LHFPL6: variants seen among roughly 807,000 people sequenced by gnomAD.
LHFPL6 encodes LHFPL tetraspan subfamily member 6.
Under a neutral mutation model 20.6 loss-of-function variants are expected in LHFPL6, and 9 were observed. The observed-to-expected ratio is 0.44, with a 90% CI of 0.26 to 0.76. LHFPL6 has a LOEUF of 0.76. Among genes scored for constraint, LHFPL6 ranks in the 30% least tolerant of loss-of-function variants. The pLI is 0.20. For synonymous variants in LHFPL6, 105 were observed against 98.7 expected (o/e 1.06, Z -0.38); for missense variants, 218 against 253.5 (o/e 0.86, Z 0.95).
intron 2 of LHFPL6, among the ~76,000 whole-genome samples, chr13:39,409,468 C>CA (rs1054308938): frequency 6.6e-6 from 1 of 151,658 alleles, no homozygotes; most frequent in African/African-American, 2.4e-5. Context: ...ACAAAAAAAA[C>CA]AAAAAAACAA....
intron 2 of LHFPL6, among the ~76,000 whole-genome samples, chr13:39,522,869 G>A (rs1870155406): frequency 6.6e-6 from 1 of 152,224 alleles, no homozygotes; most frequent in Admixed American, 6.5e-5. Flanking sequence ...TATGGACAGT[G>A]TAGAAATATG....
At chr13:39,512,625 A>AG (rs1337119574) in intron 2 of LHFPL6, among the ~76,000 whole-genome samples, 6 of 150,532 alleles carry the variant, frequency 4.0e-5, no homozygotes, top group African/African-American at 1.2e-4. Flanking sequence ...AGAAAAGAAA[A>AG]AGAAATCAGA....
In LHFPL6 at chr13:39,488,107, G is replaced by A. The variant is rs549326639; in HGVS notation, c.386-109581C>T. Among the ~76,000 whole-genome samples the A allele has an allele frequency of 3.1e-4, 47 of 152,212 alleles. 1 individual carries two copies. The South Asian group carries it at 4.8e-3, about 15-fold the overall frequency. ...TCATAAGGGCCCCACCTTCATGAAC[G>A]GGATTAATGCCCTTATAAAAGAGGC... is the stretch of plus-strand genomic sequence containing the variant. On this transcript the variant is annotated intron_variant, in intron 2 of 3. Transcript: ENST00000379589.
At chr13:39,475,343 TA>T (rs1321243575) in intron 2 of LHFPL6, among the ~76,000 whole-genome samples, 1 of 151,954 alleles carries the variant, frequency 6.6e-6, no homozygotes, top group African/African-American at 2.4e-5. Flanking sequence ...AAATGAGAAA[TA>T]AGATCAGATG....
At chr13:39,424,899 G>C (rs540262056) in intron 2 of LHFPL6, among the ~76,000 whole-genome samples, 2 of 152,224 alleles carry the variant, frequency 1.3e-5, no homozygotes, top group East Asian at 3.9e-4. Flanking sequence ...AATTGTTTTA[G>C]ACATTTTCAT....
chr13:39,479,953 A>C (rs1323212156), intron 2 of LHFPL6, among the ~76,000 whole-genome samples: 4 of 152,224 alleles, frequency 2.6e-5, no homozygotes, highest in African/African-American at 9.6e-5. Flanking sequence ...GCATGTTTAC[A>C]TACTATTTCA....
At chr13:39,575,406 T>C (rs954149139) in intron 2 of LHFPL6, among the ~76,000 whole-genome samples, 1 of 152,230 alleles carries the variant, frequency 6.6e-6, no homozygotes, top group African/African-American at 2.4e-5. Context: ...TCTTTATCTA[T>C]ATTAAAATTA....
chr13:39,405,890 T>C (rs1379033744), intron 2 of LHFPL6, among the ~76,000 whole-genome samples: 8 of 152,180 alleles, frequency 5.3e-5, no homozygotes, highest in African/African-American at 1.7e-4. Flanking sequence ...ACAGCTCTTT[T>C]TCCAAATGAA....
chr13:39,525,178 T>C (rs961688647), intron 2 of LHFPL6, among the ~76,000 whole-genome samples: 2 of 152,172 alleles, frequency 1.3e-5, no homozygotes, highest in African/African-American at 4.8e-5. Flanking sequence ...TGCCAATTGC[T>C]TTCTTTCCAA....
chr13:39,423,561 T>C (rs1871552058), intron 2 of LHFPL6, among the ~76,000 whole-genome samples: 1 of 152,056 alleles, frequency 6.6e-6, no homozygotes, highest in South Asian at 2.1e-4. Context: ...GTAGCTGGGA[T>C]TACAGGCACC....
intron 2 of LHFPL6, among the ~76,000 whole-genome samples, chr13:39,419,191 A>G (rs1490396584): frequency 1.3e-5 from 2 of 152,146 alleles, no homozygotes; most frequent in East Asian, 1.9e-4. Flanking sequence ...CCTGACCCCA[A>G]TCTTGCTTAT....
Position 39,562,471 on chromosome 13 carries a change from T to C in LHFPL6, c.385+38361A>G, listed in dbSNP as rs550527891. On this transcript the variant is annotated intron_variant, in intron 2 of 3. Coordinates refer to ENST00000379589, the MANE Select transcript of LHFPL6 (RefSeq NM_005780.3). ...ACACATATATACATATATACACATATACACATATACATATATACACATATA... is the reference window on the plus strand; with the variant it reads ...ACACATATATACATATATACACATACACACATATACATATATACACATATA... 1.5e-3 allele frequency among the ~76,000 whole-genome samples: 162 copies of C among 109,476 alleles called. 1 individual carries two copies. Among genetic ancestry groups the C allele is most frequent in the African/African-American group, 5.2e-3 (159 of 30,532 alleles). 71.8% of individuals were successfully genotyped at this position (109,476 alleles called of 152,430 possible). A position where few individuals can be genotyped will look rare whatever the true frequency, so the allele number is the denominator to read the frequency against.
chr13:39,474,917 T>C (rs563712520), intron 2 of LHFPL6, among the ~76,000 whole-genome samples: 1 of 152,170 alleles, frequency 6.6e-6, no homozygotes, highest in Non-Finnish European at 1.5e-5. Context: ...GTGGAACTGA[T>C]TCTTCAAAGA....
At chr13:39,562,616 A>G (rs1344662826) in intron 2 of LHFPL6, among the ~76,000 whole-genome samples, 3 of 87,814 alleles carry the variant, frequency 3.4e-5, no homozygotes, top group Admixed American at 2.4e-4. Context: ...ACATATATAC[A>G]CATATATACA....
At chr13:39,405,838 T>C (rs1435327851) in intron 2 of LHFPL6, among the ~76,000 whole-genome samples, 1 of 152,184 alleles carries the variant, frequency 6.6e-6, no homozygotes, top group East Asian at 1.9e-4. Context: ...AAAGTACTAA[T>C]GAAGGACACA....
chr13:39,488,089 G>A (rs1056511671), intron 2 of LHFPL6, among the ~76,000 whole-genome samples: 1 of 152,046 alleles, frequency 6.6e-6, no homozygotes, highest in African/African-American at 2.4e-5. Context: ...AGGTCATAAG[G>A]GCCCCACCTT....
intron 2 of LHFPL6, among the ~76,000 whole-genome samples, chr13:39,509,981 C>T (rs9285134): frequency 0.25 from 38,640 of 151,998 alleles, 5,632 homozygotes; most frequent in African/African-American, 0.41. Flanking sequence ...ATGAACCAGA[C>T]GATATAAAAG....
At position 39,566,055 on chromosome 13, in the gene LHFPL6, G is replaced by A. The variant is rs541612181; in HGVS notation, c.385+34777C>T. Among the ~76,000 whole-genome samples, 169 of 152,230 alleles carry A rather than the reference G, an allele frequency of 1.1e-3. 1 individual carries two copies. Among genetic ancestry groups the A allele is most frequent in the African/African-American group, 3.9e-3 (163 of 41,542 alleles). On this transcript the variant is annotated intron_variant, in intron 2 of 3. Coordinates refer to ENST00000379589, the MANE Select transcript of LHFPL6 (RefSeq NM_005780.3). ...CATAGACTCAAACAAATGAAGAAAG[G>A]ACTTTTAGGAACTTGAAAAACCATG...
At chr13:39,505,902 A>G (rs2138468584) in intron 2 of LHFPL6, among the ~76,000 whole-genome samples, 1 of 152,330 alleles carries the variant, frequency 6.6e-6, no homozygotes, top group Non-Finnish European at 1.5e-5. Context: ...ACAAGGATGC[A>G]TTATCTTACT....
Sources: gnomAD v4.1 joint callset for allele counts (sites outside exome capture counted in the v4.1 genomes callset) on GRCh38, gnomAD v4.1.1 for gene constraint, MANE v1.5 for transcripts, NCBI Gene and HGNC (gene_info 2026-07-23, HGNC 2026-07-21) for gene names.